The following PDE1C variants were observed in gnomAD, a reference collection of about 807,000 sequenced individuals.
The protein encoded by PDE1C is dual specificity calcium/calmodulin-dependent 3',5'-cyclic nucleotide phosphodiesterase 1C.
In PDE1C, 62 loss-of-function variants were observed where a neutral mutation model predicts 93.1. That is an observed-to-expected ratio of 0.67 (90% confidence interval 0.54 to 0.82). The LOEUF (loss-of-function observed/expected upper bound fraction) is 0.82. Among genes scored for constraint, PDE1C ranks in the 40% least tolerant of loss-of-function variants. The pLI, the probability that PDE1C is intolerant of heterozygous loss-of-function variation, is 0.00. For synonymous variants in PDE1C, 325 were observed against 310.1 expected (o/e 1.05, Z -0.50); for missense variants, 742 against 884.6 (o/e 0.84, Z 2.04).
At chr7:31,831,245 C>T (rs1484857660) in intron 11 of PDE1C, among the ~76,000 whole-genome samples, 1 of 152,056 alleles carries the variant, frequency 6.6e-6, no homozygotes, top group Non-Finnish European at 1.5e-5. Flanking sequence ...TTTAAGATAG[C>T]ATAGTAAAGT....
chr7:31,885,691 A>C (rs1268522065), intron 2 of PDE1C, among the ~76,000 whole-genome samples: 1 of 152,148 alleles, frequency 6.6e-6, no homozygotes, highest in Non-Finnish European at 1.5e-5. Context: ...GTTAGGGAGG[A>C]GAGATATTTC....
intron 2 of PDE1C, among the ~76,000 whole-genome samples, chr7:31,894,775 T>C (rs1281128972): frequency 2.0e-5 from 3 of 152,216 alleles, no homozygotes; most frequent in African/African-American, 7.2e-5. Flanking sequence ...GAGAAGAGTA[T>C]GTTGTGTTTA....
At chr7:32,097,398 T>C (rs1797808819) in intron 3 of PDE1C, among the ~76,000 whole-genome samples, 3 of 152,142 alleles carry the variant, frequency 2.0e-5, no homozygotes, top group African/African-American at 7.2e-5. Flanking sequence ...AAACAGCAAG[T>C]TGGAATGCCA....
intron 1 of PDE1C, among the ~76,000 whole-genome samples, chr7:32,296,010 G>T (rs1468982415): frequency 1.3e-5 from 2 of 151,698 alleles, no homozygotes; most frequent in African/African-American, 2.4e-5. Flanking sequence ...ATAGGAAGTT[G>T]ATTTTTTAAA....
intron 9 of PDE1C, among the ~76,000 whole-genome samples, chr7:31,842,946 A>T (rs899581899): frequency 1.3e-5 from 2 of 151,960 alleles, no homozygotes; most frequent in African/African-American, 4.8e-5. Flanking sequence ...CATTCTTGAT[A>T]AATTTGAAAT....
At chr7:32,263,483 T>C (rs1447632954) in intron 1 of PDE1C, among the ~76,000 whole-genome samples, 1 of 152,206 alleles carries the variant, frequency 6.6e-6, no homozygotes, top group African/African-American at 2.4e-5. Flanking sequence ...ATACTTAAGG[T>C]TCTATTTCCT....
At chr7:32,338,197 A>G (rs1283420490) in intron 1 of PDE1C, among the ~76,000 whole-genome samples, 48 of 152,216 alleles carry the variant, frequency 3.2e-4, no homozygotes, top group Admixed American at 3.1e-3. Context: ...GGAACAGGAG[A>G]AAGCATTTGC....
intron 1 of PDE1C, among the ~76,000 whole-genome samples, chr7:32,265,890 T>G (rs1810536314): frequency 6.7e-6 from 1 of 150,100 alleles, no homozygotes. Flanking sequence ...CCTAATGAAT[T>G]TGTGGGAACA....
At chr7:32,070,795 AG>A (rs1398674121), upstream of PDE1C, 2 of 996,810 alleles carry the variant, frequency 2.0e-6, no homozygotes, top group African/African-American at 1.7e-5. Context: ...GGTGAAAAGG[AG>A]GGCTGGGTGG....
intron 2 of PDE1C, among the ~76,000 whole-genome samples, chr7:31,947,768 C>T (rs371784126): frequency 9.9e-5 from 15 of 152,150 alleles, no homozygotes; most frequent in African/African-American, 3.6e-4. Context: ...TTGTAGGAGA[C>T]ACAAGGTCAT....
chr7:31,635,095 G>GT, the PDE1C span, among the ~76,000 whole-genome samples: 1 of 152,158 alleles, frequency 6.6e-6, no homozygotes, highest in African/African-American at 2.4e-5. Flanking sequence ...AGGTGTGAGG[G>GT]TGTGGGAGTG....
the PDE1C span, among the ~76,000 whole-genome samples, chr7:31,648,070 G>C: frequency 1.3e-5 from 2 of 152,006 alleles, no homozygotes. Context: ...AAAAATTCCA[G>C]AAAAGAAAAT....
chr7:32,108,230 C>CAAAAAAAAAAAAAAAA (rs71559210), intron 3 of PDE1C, among the ~76,000 whole-genome samples: 4 of 77,060 alleles, frequency 5.2e-5, no homozygotes, highest in African/African-American at 1.0e-4. Context: ...AAAAGCAAGA[C>CAAAAAAAAAAAAAAAA]AAAAAAAAAA....
chr7:31,637,394 A>G, the PDE1C span, among the ~76,000 whole-genome samples: 102 of 152,104 alleles, frequency 6.7e-4, no homozygotes, highest in African/African-American at 2.2e-3. Context: ...CCTCTCCAGC[A>G]CCTGTTGTTT....
chr7:32,407,291 T>A (rs908882843), intron 1 of PDE1C, among the ~76,000 whole-genome samples: 1 of 152,006 alleles, frequency 6.6e-6, no homozygotes, highest in Non-Finnish European at 1.5e-5. Flanking sequence ...TAAAACCACC[T>A]GGACAGAGAG....
chr7:32,309,033 C>T (rs1446131415), intron 1 of PDE1C, among the ~76,000 whole-genome samples: 1 of 151,756 alleles, frequency 6.6e-6, no homozygotes, highest in African/African-American at 2.4e-5. Flanking sequence ...ACTAGAATAA[C>T]CAATGCAGAG....
chr7:32,306,572 G>T (rs1022618820), intron 1 of PDE1C, among the ~76,000 whole-genome samples: 10 of 152,290 alleles, frequency 6.6e-5, no homozygotes, highest in African/African-American at 2.4e-4. Context: ...TTGCATTCTT[G>T]CTCCAAGCCA....
chr7:32,011,226 T>C lies in PDE1C; in HGVS notation c.128+40328A>G, dbSNP rs183656881. On this transcript the variant is annotated intron_variant, in intron 2 of 17. Coordinates refer to ENST00000396191, the MANE Select transcript of PDE1C (RefSeq NM_001191057.4). ...TTTTTTTTTTGAGAAGAAGTCTCGCTCTGTTGCCCAGGCTGGAGTGCAGTG... is the reference window on the plus strand; with the variant it reads ...TTTTTTTTTTGAGAAGAAGTCTCGCCCTGTTGCCCAGGCTGGAGTGCAGTG... Among the ~76,000 whole-genome samples the C allele has an allele frequency of 3.8e-3, 582 of 151,958 alleles. 3 individuals carry two copies. The highest frequency in any genetic ancestry group is 0.013 in the African/African-American group (545 of 41,428).
At chr7:31,930,744 G>A (rs1804086866) in intron 2 of PDE1C, among the ~76,000 whole-genome samples, 1 of 150,546 alleles carries the variant, frequency 6.6e-6, no homozygotes, top group African/African-American at 2.4e-5. Context: ...AGCTACTTGG[G>A]AGGCTGAGGC....
Sources: allele counts gnomAD v4.1 joint callset (sites outside exome capture counted in the v4.1 genomes callset), GRCh38; gene constraint gnomAD v4.1.1; transcripts MANE v1.5; gene names NCBI Gene and HGNC (gene_info 2026-07-23, HGNC 2026-07-21).